Variants in NRG1 observed in about 807,000 individuals in gnomAD.
NRG1 encodes neuregulin 1.
A neutral mutation model predicts 63.8 loss-of-function variants in NRG1; 18 were observed. The ratio of observed to expected loss-of-function variants is 0.28; its 90% CI spans 0.19 to 0.42. The LOEUF (loss-of-function observed/expected upper bound fraction) is 0.42. NRG1 is among the 10% of genes least tolerant of loss of function. The pLI is 1.00. For synonymous variants in NRG1, 302 were observed against 301.3 expected (o/e 1.00, Z -0.02); for missense variants, 762 against 814.7 (o/e 0.94, Z 0.79).
chr8:31,890,820 C>G (rs1831089484), intron 1 of NRG1, among the ~76,000 whole-genome samples: 2 of 152,144 alleles, frequency 1.3e-5, no homozygotes, highest in African/African-American at 4.8e-5. Context: ...GGACAGAAAA[C>G]AAACCTAATA....
At chr8:32,245,951 C>A (rs555811660) in intron 1 of NRG1, among the ~76,000 whole-genome samples, 1 of 152,106 alleles carries the variant, frequency 6.6e-6, no homozygotes, top group Non-Finnish European at 1.5e-5. Flanking sequence ...GAGGAAGTAT[C>A]CTTTACCTGT....
intron 1 of NRG1, among the ~76,000 whole-genome samples, chr8:32,450,471 C>T (rs1471264378): frequency 6.6e-6 from 1 of 152,076 alleles, no homozygotes; most frequent in African/African-American, 2.4e-5. Flanking sequence ...GGCTGGAGTA[C>T]AGTCACGCAA....
intron 1 of NRG1, among the ~76,000 whole-genome samples, chr8:32,279,643 G>T (rs962285022): frequency 2.6e-5 from 4 of 152,184 alleles, no homozygotes; most frequent in African/African-American, 2.4e-5. Context: ...GAGCCACCAC[G>T]CCCGGCCAAG....
intron 1 of NRG1, among the ~76,000 whole-genome samples, chr8:32,271,423 CTGAG>C (rs1302229732): frequency 6.6e-6 from 1 of 152,130 alleles, no homozygotes; most frequent in African/African-American, 2.4e-5. Context: ...GGAGAAGAGA[CTGAG>C]TATTTGTCAC....
intron 1 of NRG1, among the ~76,000 whole-genome samples, chr8:32,219,809 T>C (rs1009083989): frequency 2.0e-5 from 3 of 152,232 alleles, no homozygotes; most frequent in Admixed American, 6.5e-5. Context: ...GTCAAAGCCA[T>C]GTCTAAAACC....
intron 1 of NRG1, among the ~76,000 whole-genome samples, chr8:32,188,784 G>A (rs149570112): frequency 0.042 from 6,331 of 152,008 alleles, 196 homozygotes; most frequent in Middle Eastern, 0.092. Flanking sequence ...ACACAGGAAG[G>A]GGAACATCAC....
chr8:32,113,491 G>C (rs1832308994), intron 1 of NRG1, among the ~76,000 whole-genome samples: 1 of 152,148 alleles, frequency 6.6e-6, no homozygotes, highest in Admixed American at 6.5e-5. Context: ...CCTCCAGCCT[G>C]ACAGGTGCTA....
intron 10 of NRG1, among the ~76,000 whole-genome samples, chr8:32,759,753 TG>T (rs1173066171): frequency 6.6e-6 from 1 of 152,202 alleles, no homozygotes; most frequent in Non-Finnish European, 1.5e-5. Context: ...GTAATTGGAT[TG>T]CCCTGGGAAA....
intron 1 of NRG1, among the ~76,000 whole-genome samples, chr8:32,594,785 A>G (rs1396005837): frequency 6.6e-6 from 1 of 152,240 alleles, no homozygotes. Flanking sequence ...TAGATGCACT[A>G]AATCCAATCA....
At chr8:31,995,869 A>T (rs1811882489) in intron 1 of NRG1, among the ~76,000 whole-genome samples, 1 of 151,904 alleles carries the variant, frequency 6.6e-6, no homozygotes, top group Non-Finnish European at 1.5e-5. Context: ...CTTGTCCCAC[A>T]TGCTTTTATT....
intron 1 of NRG1, among the ~76,000 whole-genome samples, chr8:32,149,911 G>C (rs965916034): frequency 1.3e-5 from 2 of 152,156 alleles, no homozygotes; most frequent in Admixed American, 1.3e-4. Context: ...TAAATAAAAG[G>C]ATCAATCAAT....
intron 1 of NRG1, among the ~76,000 whole-genome samples, chr8:32,128,170 G>T (rs1834352518): frequency 6.6e-6 from 1 of 151,926 alleles, no homozygotes; most frequent in South Asian, 2.1e-4. Context: ...CTAACATGAG[G>T]TGTTTTCTTC....
chr8:31,661,330 TATGAAG>T (rs1039432434), intron 1 of NRG1, among the ~76,000 whole-genome samples: 10 of 152,162 alleles, frequency 6.6e-5, no homozygotes, highest in Non-Finnish European at 1.3e-4. Flanking sequence ...TTCCTCAGCT[TATGAAG>T]GTCTGGTCCT....
At chr8:32,485,384 G>A (rs1434168881) in intron 1 of NRG1, among the ~76,000 whole-genome samples, 1 of 147,494 alleles carries the variant, frequency 6.8e-6, no homozygotes, top group East Asian at 2.1e-4. Flanking sequence ...GGGATTACTG[G>A]CGTGAGCCAC....
At chr8:31,680,117 C>G (rs987265361) in intron 1 of NRG1, among the ~76,000 whole-genome samples, 4 of 151,944 alleles carry the variant, frequency 2.6e-5, no homozygotes, top group South Asian at 4.2e-4. Context: ...ATATGATTCT[C>G]CTAAAATTGT....
intron 5 of NRG1, chr8:32,721,853 C>T (rs1820730170): frequency 1.4e-6 from 2 of 1,399,780 alleles, no homozygotes; most frequent in Non-Finnish European, 1.9e-6. Context: ...TCAGCTTCTG[C>T]TCCAGAGCTT....
chr8:32,407,314 ATATAT>A (rs796263026), intron 1 of NRG1, among the ~76,000 whole-genome samples: 1,041 of 4,864 alleles, frequency 0.21, 64 homozygotes, highest in Non-Finnish European at 0.27. Flanking sequence ...ATATATATAT[ATATAT>A]TATATATATA....
At chr8:32,117,368 G>T (rs1438755276) in intron 1 of NRG1, among the ~76,000 whole-genome samples, 2 of 152,072 alleles carry the variant, frequency 1.3e-5, no homozygotes, top group African/African-American at 4.8e-5. Flanking sequence ...TTGTGGTTTG[G>T]TTGTTGTCGA....
At position 32,568,471 on chromosome 8, in the gene NRG1, G is replaced by C. The variant is rs557541810; in HGVS notation, c.100+19645G>C. Among the ~76,000 whole-genome samples, 294 of 152,274 alleles carry C rather than the reference G, an allele frequency of 1.9e-3. 2 individuals are homozygous for C. Among genetic ancestry groups the C allele is most frequent in the African/African-American group, 6.7e-3 (279 of 41,536 alleles). The stretch of plus-strand genomic sequence containing the variant: ...ATCAAATGATGGATGATAGAGATAT[G>C]CTTTGGGAATATATCCAAGTACTTC... On this transcript the variant is annotated intron_variant, in intron 1 of 11. Transcript: ENST00000356819.
Sources: allele counts gnomAD v4.1 joint callset (sites outside exome capture counted in the v4.1 genomes callset), GRCh38; gene constraint gnomAD v4.1.1; transcripts MANE v1.5; gene names NCBI Gene and HGNC (gene_info 2026-07-23, HGNC 2026-07-21).